The following SLC10A7 variants were observed in gnomAD, a reference collection of about 807,000 sequenced individuals.
SLC10A7 encodes the protein solute carrier family 10 member 7, also known as sodium/bile acid cotransporter 7.
SLC10A7 carries 29 observed loss-of-function variants against 43.2 expected under a neutral mutation model. The ratio of observed to expected loss-of-function variants is 0.67; its 90% CI spans 0.50 to 0.92. The LOEUF is 0.92. Ranked by LOEUF, SLC10A7 falls within the 40% of genes least tolerant of loss-of-function variation. SLC10A7 has a pLI of 0.00. For missense variants in SLC10A7, 295 were observed against 403.2 expected (o/e 0.73, Z 2.30); for synonymous variants, 152 against 144.8 (o/e 1.05, Z -0.35).
chr4:146,369,869 G>T (rs1265316873), intron 5 of SLC10A7, among the ~76,000 whole-genome samples: 2 of 152,036 alleles, frequency 1.3e-5, no homozygotes, highest in Non-Finnish European at 2.9e-5. Context: ...CCATTAGTGG[G>T]CCCACAAAGC....
At chr4:146,520,115 C>T (rs759937797) in intron 1 of SLC10A7, among the ~76,000 whole-genome samples, 1 of 152,220 alleles carries the variant, frequency 6.6e-6, no homozygotes, top group Non-Finnish European at 1.5e-5. Context: ...AACTTAGCCC[C>T]TGCAGATTTA....
intron 4 of SLC10A7, among the ~76,000 whole-genome samples, chr4:146,498,837 A>G (rs1736153302): frequency 1.3e-5 from 2 of 152,230 alleles, no homozygotes; most frequent in Non-Finnish European, 2.9e-5. Context: ...TTTTTAACTA[A>G]CAAAAAGCAA....
intron 4 of SLC10A7, among the ~76,000 whole-genome samples, chr4:146,488,985 G>C (rs1735151572): frequency 6.6e-6 from 1 of 152,094 alleles, no homozygotes; most frequent in Non-Finnish European, 1.5e-5. Context: ...TAGATACAGA[G>C]GATACAACTG....
intron 5 of SLC10A7, among the ~76,000 whole-genome samples, chr4:146,393,923 A>C (rs1738627620): frequency 6.6e-6 from 1 of 152,226 alleles, no homozygotes; most frequent in Admixed American, 6.5e-5. Context: ...TAGGCCTGAT[A>C]GCTCCTGACT....
intron 5 of SLC10A7, among the ~76,000 whole-genome samples, chr4:146,372,049 T>C (rs1463252369): frequency 1.3e-5 from 2 of 152,172 alleles, no homozygotes; most frequent in African/African-American, 4.8e-5. Flanking sequence ...TATTACTAAA[T>C]ATATGCATCA....
At chr4:146,356,041 A>AT (rs1314865962) in intron 5 of SLC10A7, among the ~76,000 whole-genome samples, 1,263 of 20,702 alleles carry the variant, frequency 0.061, 15 homozygotes, top group African/African-American at 0.16. Context: ...AAGTATAATA[A>AT]AAAAAAAAAA....
intron 4 of SLC10A7, among the ~76,000 whole-genome samples, chr4:146,485,425 A>G (rs1194439096): frequency 2.6e-5 from 4 of 152,162 alleles, no homozygotes; most frequent in African/African-American, 9.7e-5. Context: ...TTGTGGTCAC[A>G]GCAAAACAGG....
chr4:146,450,297 A>G (rs1297981958), intron 4 of SLC10A7, among the ~76,000 whole-genome samples: 2 of 152,126 alleles, frequency 1.3e-5, no homozygotes. Context: ...CTTACACAGC[A>G]TTTACATCAT....
At chr4:146,295,727 G>A (rs774402983) in intron 7 of SLC10A7, among the ~76,000 whole-genome samples, 13 of 152,050 alleles carry the variant, frequency 8.5e-5, no homozygotes, top group Non-Finnish European at 1.8e-4. Flanking sequence ...GTGTTTGGTG[G>A]TACAAAACTG....
intron 5 of SLC10A7, among the ~76,000 whole-genome samples, chr4:146,355,752 A>C (rs1191855464): frequency 6.6e-6 from 1 of 150,672 alleles, no homozygotes; most frequent in Non-Finnish European, 1.5e-5. Context: ...ACATGGATGA[A>C]ATTGGAAACC....
intron 9 of SLC10A7, among the ~76,000 whole-genome samples, chr4:146,289,221 T>TA (rs1730238555): frequency 6.6e-6 from 1 of 152,154 alleles, no homozygotes; most frequent in African/African-American, 2.4e-5. Context: ...TAAGAAAACT[T>TA]ACCATTAATG....
chr4:146,293,895 G>A, intron 8 of SLC10A7, 35 bp downstream of exon 8: 3 of 1,540,506 alleles, frequency 1.9e-6, no homozygotes, highest in Non-Finnish European at 2.7e-6. Context: ...TGAGGACACT[G>A]AGGGATAGCC....
chr4:146,416,704 T>C (rs1560887808), intron 5 of SLC10A7, among the ~76,000 whole-genome samples: 2 of 152,186 alleles, frequency 1.3e-5, no homozygotes, highest in Admixed American at 6.5e-5. Flanking sequence ...AACTTACAAA[T>C]GTCTTCCCAT....
At chr4:146,436,262 C>T (rs959861105) in intron 5 of SLC10A7, among the ~76,000 whole-genome samples, 1 of 152,104 alleles carries the variant, frequency 6.6e-6, no homozygotes, top group South Asian at 2.1e-4. Flanking sequence ...AGATCCTATA[C>T]ATTTTTATTA....
chr4:146,516,742 G>A (rs1456020393), intron 2 of SLC10A7, among the ~76,000 whole-genome samples: 2 of 152,052 alleles, frequency 1.3e-5, no homozygotes, highest in Non-Finnish European at 2.9e-5. Flanking sequence ...AGGCACCACT[G>A]TAGTTACCAC....
intron 5 of SLC10A7, among the ~76,000 whole-genome samples, chr4:146,419,279 C>T (rs542256904): frequency 6.6e-6 from 1 of 152,212 alleles, no homozygotes; most frequent in South Asian, 2.1e-4. Flanking sequence ...GGTGACCAGC[C>T]CAGATCCTGC....
In SLC10A7 at chr4:146,255,445, T is replaced by A. The variant is rs533333901; in HGVS notation, c.*1046A>T. On this transcript the variant is annotated 3_prime_UTR_variant, in exon 12 of 12. Transcript: ENST00000335472. ...ATTTATTCATGAAAGCAATATGATT[T>A]AACTTCTAAAAAAATATTGCCAACA... 6.5e-6 allele frequency: 1 copy of A among 152,802 alleles called. No individual in the cohort carries two copies. Among genetic ancestry groups the A allele is most frequent in the East Asian group, 1.9e-4 (1 of 5,194 alleles). 9.5% of individuals were successfully genotyped at this position (152,802 alleles called of 1,614,324 possible). A position where few individuals can be genotyped will look rare whatever the true frequency, so the allele number is the denominator to read the frequency against.
intron 2 of SLC10A7, among the ~76,000 whole-genome samples, chr4:146,515,814 G>A (rs1483947960): frequency 6.7e-6 from 1 of 149,608 alleles, no homozygotes; most frequent in East Asian, 2.0e-4. Context: ...GGAGGCTGAG[G>A]CAGGAGAATC....
In SLC10A7 at chr4:146,376,290, T is replaced by G. The variant is rs546529752; in HGVS notation, c.436-50294A>C. On this transcript the variant is annotated intron_variant, in intron 5 of 11. Coordinates refer to ENST00000335472, the MANE Select transcript of SLC10A7 (RefSeq NM_001029998.6). ...AGCTCTTTGTCCGATCTTATTGATA[T>G]GGATAGGAGGAGGGGAAATACTGGG... 3.9e-5 allele frequency among the ~76,000 whole-genome samples: 6 copies of G among 152,312 alleles called. No homozygotes were observed. The East Asian group carries it at 1.2e-3, about 29-fold the overall frequency.
Sources: gnomAD v4.1 joint callset for allele counts (sites outside exome capture counted in the v4.1 genomes callset) on GRCh38, gnomAD v4.1.1 for gene constraint, MANE v1.5 for transcripts, NCBI Gene and HGNC (gene_info 2026-07-23, HGNC 2026-07-21) for gene names.